OSBP2: variants seen among roughly 807,000 people sequenced by gnomAD.
The protein encoded by OSBP2 is oxysterol binding protein 2.
OSBP2 carries 66 observed loss-of-function variants against 96.0 expected under a neutral mutation model. The ratio of observed to expected loss-of-function variants is 0.69; its 90% CI spans 0.56 to 0.84. The LOEUF (loss-of-function observed/expected upper bound fraction) is 0.84, where lower values mean the gene tolerates loss of function less well. OSBP2 is among the 40% of genes least tolerant of loss of function. The probability of loss-of-function intolerance (pLI) is 0.00; values close to 1 mark genes in which losing one functional copy is unlikely to be tolerated. For synonymous variants in OSBP2, 525 were observed against 520.9 expected (o/e 1.01, Z -0.11); for missense variants, 1,038 against 1,222.7 (o/e 0.85, Z 2.25).
intron 2 of OSBP2, among the ~76,000 whole-genome samples, chr22:30,824,483 C>T (rs1333006266): frequency 1.3e-5 from 2 of 152,152 alleles, no homozygotes; most frequent in Non-Finnish European, 2.9e-5. Context: ...TCAAGAGAAG[C>T]TGGAAATCTC....
At chr22:30,805,035 T>C (rs2090908807) in intron 2 of OSBP2, among the ~76,000 whole-genome samples, 1 of 152,208 alleles carries the variant, frequency 6.6e-6, no homozygotes, top group Non-Finnish European at 1.5e-5. Context: ...TTTTAACCCA[T>C]AGTCTGAGCA....
At chr22:30,761,349 C>G (rs972664958) in intron 2 of OSBP2, among the ~76,000 whole-genome samples, 2 of 152,094 alleles carry the variant, frequency 1.3e-5, no homozygotes, top group African/African-American at 2.4e-5. Context: ...AAATCACTTA[C>G]AATGACCCCA....
chr22:30,897,952 G>GAA (rs199929883), intron 12 of OSBP2, among the ~76,000 whole-genome samples: 2,223 of 105,316 alleles, frequency 0.021, 77 homozygotes, highest in African/African-American at 0.071. Context: ...TCCGTCTCAG[G>GAA]AAAAAAAAAA....
At chr22:30,823,747 G>C (rs1261451349) in intron 2 of OSBP2, among the ~76,000 whole-genome samples, 1 of 152,220 alleles carries the variant, frequency 6.6e-6, no homozygotes, top group East Asian at 1.9e-4. Context: ...TTCATTAGGA[G>C]TTGATACTAC....
At chr22:30,875,373 GT>G (rs540198909) in intron 3 of OSBP2, among the ~76,000 whole-genome samples, 74 of 145,590 alleles carry the variant, frequency 5.1e-4, no homozygotes, top group Middle Eastern at 3.6e-3. Flanking sequence ...GTTCTTTGTT[GT>G]TTTTTTTTTT....
chr22:30,880,129 T>C (rs989000650), intron 3 of OSBP2, among the ~76,000 whole-genome samples: 5 of 152,114 alleles, frequency 3.3e-5, no homozygotes, highest in African/African-American at 1.2e-4. Context: ...GTGAGTCCCC[T>C]GGCCATGCAG....
Position 30,870,761 on chromosome 22 carries a change from A to G in OSBP2, c.1107+79A>G. The stretch of plus-strand genomic sequence containing the variant: ...GGTCCCTCGGTGGGTGACCAGGGTC[A>G]GCTTGAAGGGTCAGCGTTCCATTTC... On this transcript the variant is annotated intron_variant, in intron 3 of 13. Coordinates refer to ENST00000332585, the MANE Select transcript of OSBP2 (RefSeq NM_030758.4). This position sits in a 1 kb window ranked among gnomAD's most constrained non-coding sequence, Gnocchi z 4.1. The G allele has an allele frequency of 6.8e-7, 1 of 1,463,730 alleles. No individual in the cohort carries two copies. The highest frequency in any genetic ancestry group is 9.4e-7 in the Non-Finnish European group (1 of 1,066,104). The allele number at this position is 1,463,730 out of a possible 1,614,324, so 90.7% of individuals were successfully genotyped here.
At chr22:30,722,449 T>C (rs2089566195) in intron 1 of OSBP2, among the ~76,000 whole-genome samples, 1 of 152,162 alleles carries the variant, frequency 6.6e-6, no homozygotes, top group South Asian at 2.1e-4. Context: ...GTACAGTGTG[T>C]ATCTCTTTAG....
chr22:30,697,720 T>G (rs1378151355), intron 1 of OSBP2, among the ~76,000 whole-genome samples: 2 of 152,198 alleles, frequency 1.3e-5, no homozygotes, highest in Non-Finnish European at 2.9e-5. Flanking sequence ...GCGTGTACAG[T>G]CCAGCTCTGC....
chr22:30,869,268 G>A (rs575772023), intron 2 of OSBP2, among the ~76,000 whole-genome samples: 6 of 152,338 alleles, frequency 3.9e-5, no homozygotes, highest in South Asian at 2.1e-4. Flanking sequence ...TCAGCAGCCC[G>A]GAAGGAAGAG....
At position 30,854,151 on chromosome 22, in the gene OSBP2, G is replaced by A. The variant is rs1569151096; in HGVS notation, c.854-16278G>A. On this transcript the variant is annotated intron_variant, in intron 2 of 13. Transcript: ENST00000332585. ...TTCCAAATAATTCACCACTTCAGCT[G>A]AAACCTAAGAAATTTACAACAGTGT... 2.6e-5 allele frequency among the ~76,000 whole-genome samples: 4 copies of A among 152,198 alleles called. No homozygotes were observed. The East Asian group carries it at 7.7e-4, about 29-fold the overall frequency.
At chr22:30,831,427 G>A (rs988841230) in intron 2 of OSBP2, among the ~76,000 whole-genome samples, 2 of 152,158 alleles carry the variant, frequency 1.3e-5, no homozygotes, top group African/African-American at 4.8e-5. Flanking sequence ...AACGAAGTTG[G>A]TTTATGTTGT....
At chr22:30,771,201 A>G (rs1223836466) in intron 2 of OSBP2, among the ~76,000 whole-genome samples, 1 of 152,164 alleles carries the variant, frequency 6.6e-6, no homozygotes, top group Admixed American at 6.5e-5. Context: ...CTCCATGTCC[A>G]CTGAGGCTGC....
chr22:30,813,845 C>G (rs1466958069), intron 2 of OSBP2, among the ~76,000 whole-genome samples: 1 of 151,762 alleles, frequency 6.6e-6, no homozygotes. Context: ...TCTTGTCATC[C>G]AGGCTAGAGT....
At chr22:30,704,413 A>G (rs963450804) in intron 1 of OSBP2, among the ~76,000 whole-genome samples, 1 of 152,176 alleles carries the variant, frequency 6.6e-6, no homozygotes, top group Admixed American at 6.6e-5. Flanking sequence ...CAACCAGGGA[A>G]GATCCTTAGA....
At chr22:30,732,852 C>T (rs895984484) in intron 1 of OSBP2, among the ~76,000 whole-genome samples, 1 of 152,200 alleles carries the variant, frequency 6.6e-6, no homozygotes, top group Admixed American at 6.5e-5. Flanking sequence ...GCTCGCTGCC[C>T]CCTAGTGCAG....
At chr22:30,851,136 A>G (rs1182764855) in intron 2 of OSBP2, among the ~76,000 whole-genome samples, 1 of 152,100 alleles carries the variant, frequency 6.6e-6, no homozygotes, top group Non-Finnish European at 1.5e-5. Flanking sequence ...ATCTTGGCTC[A>G]CTGCAACTTC....
At chr22:30,839,118 G>A (rs1342588584) in intron 2 of OSBP2, among the ~76,000 whole-genome samples, 7 of 139,532 alleles carry the variant, frequency 5.0e-5, no homozygotes, top group African/African-American at 1.3e-4. Context: ...TTGTCCTTGC[G>A]ATAGTTTACT....
intron 2 of OSBP2, among the ~76,000 whole-genome samples, chr22:30,794,348 G>A (rs943030293): frequency 1.2e-4 from 18 of 144,818 alleles, no homozygotes; most frequent in East Asian, 4.1e-4. Context: ...TGCAACCTCC[G>A]CCTCCCGGTG....
Sources: allele counts gnomAD v4.1 joint callset (sites outside exome capture counted in the v4.1 genomes callset), GRCh38; gene constraint gnomAD v4.1.1; non-coding constraint Gnocchi (gnomAD v3.1); transcripts MANE v1.5; gene names NCBI Gene and HGNC (gene_info 2026-07-23, HGNC 2026-07-21).